The following SLK variants were observed in gnomAD, a reference collection of about 807,000 sequenced individuals.
SLK encodes STE20-like serine/threonine-protein kinase.
Under a neutral mutation model 147.7 loss-of-function variants are expected in SLK, and 67 were observed. That is an observed-to-expected ratio of 0.45 (90% CI 0.37 to 0.56). The LOEUF (loss-of-function observed/expected upper bound fraction) is 0.56. Ranked by LOEUF, SLK falls within the 20% of genes least tolerant of loss-of-function variation. SLK has a pLI of 0.00. For synonymous variants in SLK, 441 were observed against 475.0 expected, an observed-to-expected ratio of 0.93 and a Z score of 0.93; for missense variants, 1,136 against 1,438.8, an observed-to-expected ratio of 0.79 and a Z score of 3.41.
intron 8 of SLK, among the ~76,000 whole-genome samples, 190 bp from the exon 9 acceptor site, chr10:104,001,982 C>T (rs1038086957): frequency 5.9e-5 from 9 of 152,206 alleles, no homozygotes; most frequent in Non-Finnish European, 1.0e-4. Flanking sequence ...TCCCAAAGTG[C>T]TGGGATTACA....
intron 7 of SLK, among the ~76,000 whole-genome samples, chr10:104,001,050 C>G (rs1160991461): frequency 9.8e-6 from 1 of 102,564 alleles, no homozygotes; most frequent in Non-Finnish European, 1.8e-5. Flanking sequence ...TAGAGTGAGA[C>G]TCCGTCTCAA....
At chr10:103,980,484 CT>C (rs1245012092) in intron 1 of SLK, among the ~76,000 whole-genome samples, 6 of 152,120 alleles carry the variant, frequency 3.9e-5, no homozygotes, top group Non-Finnish European at 7.4e-5. Flanking sequence ...TAAACAGTAA[CT>C]TCCTATTTCT....
At chr10:103,972,239 G>A (rs1843801938) in intron 1 of SLK, among the ~76,000 whole-genome samples, 1 of 152,160 alleles carries the variant, frequency 6.6e-6, no homozygotes, top group Admixed American at 6.5e-5. Flanking sequence ...TACACAAAAC[G>A]GTAGTTGCAC....
At position 103,981,176 on chromosome 10, in the gene SLK, G is replaced by T. The variant is rs529390546; in HGVS notation, c.151-9499G>T. On this transcript the variant is annotated intron_variant, in intron 1 of 18. Coordinates refer to ENST00000369755, the MANE Select transcript of SLK (RefSeq NM_014720.4). ...CTTTGCCTATTTTTGAATTGGGCTA[G>T]TTGTGGGTTTTTTTTGTTGTTGTTG... 1.1e-3 allele frequency among the ~76,000 whole-genome samples: 157 copies of T among 142,024 alleles called. 3 individuals carry two copies. In the South Asian group the frequency reaches 0.032, roughly 29 times the overall value. 93.2% of individuals were successfully genotyped at this position (142,024 alleles called of 152,430 possible). A position where few individuals can be genotyped will look rare whatever the true frequency, so the allele number is the denominator to read the frequency against.
At chr10:104,013,751 C>A (rs988960207) in intron 13 of SLK, among the ~76,000 whole-genome samples, 1 of 152,144 alleles carries the variant, frequency 6.6e-6, no homozygotes, top group Non-Finnish European at 1.5e-5. Context: ...GTTTTACCTG[C>A]CTTTTCACAT....
chr10:104,005,878 T>C (rs781071007), intron 10 of SLK, 34 bp from the exon 11 acceptor site: 35 of 1,570,398 alleles, frequency 2.2e-5, no homozygotes, highest in Non-Finnish European at 2.9e-5. Flanking sequence ...TAATTTTTGC[T>C]GTCTTCTCTA....
chr10:104,001,440 A>G lies in SLK; in HGVS notation c.865-4A>G, dbSNP rs766098894. The stretch of plus-strand genomic sequence containing the variant: ...TTGAGTATGTTCTTTTTAATGATCA[A>G]CAGCATCCCTTTGTTACTGTTGATT... On this transcript the variant is annotated splice_region_variant and splice_polypyrimidine_tract_variant and intron_variant, in intron 7 of 18. Transcript: ENST00000369755. 5.0e-6 allele frequency: 8 copies of G among 1,613,022 alleles called. No homozygotes were observed. The highest frequency in any genetic ancestry group is 1.3e-5 in the African/African-American group (1 of 74,882).
intron 9 of SLK, among the ~76,000 whole-genome samples, chr10:104,004,431 ATTATTGAACTT>A (rs894394547): frequency 2.6e-5 from 4 of 152,242 alleles, no homozygotes; most frequent in Admixed American, 6.5e-5. Flanking sequence ...GAAGATATTA[ATTATTGAACTT>A]TTAGTAGGAG....
chr10:104,021,683 C>T lies in SLK; in HGVS notation c.3511C>T (p.His1171Tyr). 6.2e-7 allele frequency: 1 copy of T among 1,610,648 alleles called. No homozygotes were observed. The highest frequency in any genetic ancestry group is 8.5e-7 in the Non-Finnish European group (1 of 1,177,784). Residue 1171 changes from histidine to tyrosine, a missense_variant, in exon 18 of 19, where the codon CAT (histidine) becomes TAT (tyrosine). By Grantham distance (83) the His-to-Tyr change is moderately conservative (BLOSUM62 2). Coordinates refer to ENST00000369755, the MANE Select transcript of SLK (RefSeq NM_014720.4). ...TQKLKELDEE[H>Y]SQELKEWREK... ...GAAACTGAAGGAGTTAGATGAGGAACATAGCCAAGAATTAAAGGAGTGGAG... is the reference window on the plus strand; with the variant it reads ...GAAACTGAAGGAGTTAGATGAGGAATATAGCCAAGAATTAAAGGAGTGGAG...
intron 1 of SLK, among the ~76,000 whole-genome samples, chr10:103,981,133 G>A (rs1843935961): frequency 6.6e-6 from 1 of 152,060 alleles, no homozygotes; most frequent in South Asian, 2.1e-4. Context: ...CTTCCTGGGA[G>A]AAATACCTGT....
rs537601160 is a variant in SLK at position 103,988,211 on chromosome 10, G to A, written c.151-2464G>A. Among the ~76,000 whole-genome samples, 24 of 152,234 alleles carry A rather than the reference G, an allele frequency of 1.6e-4. No individual in the cohort carries two copies. In the South Asian group the frequency reaches 1.7e-3, roughly 11 times the overall value. On this transcript the variant is annotated intron_variant, in intron 1 of 18. Transcript: ENST00000369755. ...TCTTTTCTCCTGGGATAGAGAAGAC[G>A]TCTTTTACAGGAACATTTTCATCTC...
intron 2 of SLK, 34 bp from the exon 3 acceptor site, chr10:103,992,564 A>T: frequency 7.6e-7 from 1 of 1,320,684 alleles, no homozygotes; most frequent in Non-Finnish European, 9.8e-7. Flanking sequence ...ATGTAGTTTT[A>T]GACACACGCT....
intron 7 of SLK, 27 bp from the exon 8 acceptor site, chr10:104,001,417 G>C: frequency 6.3e-7 from 1 of 1,591,536 alleles, no homozygotes; most frequent in Non-Finnish European, 8.6e-7. Flanking sequence ...TCCAGTTGTT[G>C]AGTATGTTCT....
Position 103,967,821 on chromosome 10 carries a change from A to G in SLK, c.76A>G (p.Arg26Gly). 2 of 1,614,180 alleles carry G rather than the reference A, an allele frequency of 1.2e-6. No homozygotes were observed. Among genetic ancestry groups the G allele is most frequent in the Non-Finnish European group, 1.7e-6 (2 of 1,179,996 alleles). ...KKKKQYEHVK[R>G]DLNPEDFWEI... ...GAAGAAGCAGTACGAACACGTGAAG[A>G]GGGACCTGAACCCCGAAGACTTTTG... Residue 26 changes from arginine (R) to glycine (G), a missense_variant, in exon 1 of 19, where the codon AGG becomes GGG. Transcript: ENST00000369755.
Position 103,967,915 on chromosome 10 carries a change from A to T in SLK, c.150+20A>T. ...TACAAGGTAAGAGGGGGAAAACGGG[A>T]AGTTGTACTGCGAAGGTAAAACAGC... On this transcript the variant is annotated intron_variant, in intron 1 of 18. Coordinates refer to ENST00000369755, the MANE Select transcript of SLK (RefSeq NM_014720.4). 1 of 1,611,802 alleles carries T rather than the reference A, an allele frequency of 6.2e-7. No individual in the cohort carries two copies. Among genetic ancestry groups the T allele is most frequent in the Non-Finnish European group, 8.5e-7 (1 of 1,178,602 alleles).
chr10:103,992,083 C>T (rs142824625), intron 2 of SLK, among the ~76,000 whole-genome samples: 200 of 146,864 alleles, frequency 1.4e-3, no homozygotes, highest in Non-Finnish European at 2.2e-3. Context: ...TCAAGATAAG[C>T]ACCTATCAGC....
intron 1 of SLK, among the ~76,000 whole-genome samples, chr10:103,979,307 G>A (rs924671651): frequency 2.0e-5 from 3 of 152,180 alleles, no homozygotes; most frequent in African/African-American, 2.4e-5. Context: ...GTGAGCCACC[G>A]TATCCAGCCA....
chr10:103,998,609 G>T (rs1004614815), intron 4 of SLK, among the ~76,000 whole-genome samples: 1 of 152,082 alleles, frequency 6.6e-6, no homozygotes, highest in Non-Finnish European at 1.5e-5. Flanking sequence ...TGGATAGACT[G>T]GTCTGCTTTT....
chr10:103,995,423 CTT>C (rs756975426), intron 4 of SLK, among the ~76,000 whole-genome samples: 8 of 67,700 alleles, frequency 1.2e-4, no homozygotes, highest in African/African-American at 4.5e-4. Context: ...TCTTTCTTTT[CTT>C]TTTTTTTTTT....
Sources: allele counts gnomAD v4.1 joint callset (sites outside exome capture counted in the v4.1 genomes callset), GRCh38; gene constraint gnomAD v4.1.1; transcripts MANE v1.5; gene names NCBI Gene and HGNC (gene_info 2026-07-23, HGNC 2026-07-21).